Variants in WDR70 observed in about 807,000 individuals in gnomAD.
WDR70 encodes WD repeat-containing protein 70.
In WDR70, 53 loss-of-function variants were observed where a neutral mutation model predicts 88.6. The observed-to-expected ratio is 0.60, with a 90% CI of 0.48 to 0.75. The LOEUF (loss-of-function observed/expected upper bound fraction) is 0.75, where lower values mean the gene tolerates loss of function less well. Among genes scored for constraint, WDR70 ranks in the 30% least tolerant of loss-of-function variants. The pLI is 0.00. For missense variants in WDR70, 610 were observed against 823.2 expected (o/e 0.74, Z 3.17); for synonymous variants, 280 against 270.0 (o/e 1.04, Z -0.36).
At chr5:37,626,021 T>G (rs2112514805) in intron 10 of WDR70, among the ~76,000 whole-genome samples, 1 of 148,866 alleles carries the variant, frequency 6.7e-6, no homozygotes, top group South Asian at 2.1e-4. Flanking sequence ...TTTTTTTTTG[T>G]AGTAAAGTCG....
At chr5:37,391,637 T>C (rs1748823025) in intron 3 of WDR70, among the ~76,000 whole-genome samples, 1 of 152,252 alleles carries the variant, frequency 6.6e-6, no homozygotes, top group African/African-American at 2.4e-5. Context: ...TATGTGGATA[T>C]ACCACATTTT....
At chr5:37,545,567 T>C (rs1581382595) in intron 9 of WDR70, among the ~76,000 whole-genome samples, 1 of 151,884 alleles carries the variant, frequency 6.6e-6, no homozygotes, top group East Asian at 1.9e-4. Flanking sequence ...AGAGTCTCAC[T>C]CTGTCACCCA....
intron 8 of WDR70, among the ~76,000 whole-genome samples, chr5:37,482,414 A>G (rs1164160431): frequency 1.3e-5 from 2 of 152,232 alleles, no homozygotes; most frequent in South Asian, 2.1e-4. Context: ...ATGGAAAAGC[A>G]TGTCTCACAT....
At chr5:37,484,032 G>A (rs529137451) in intron 8 of WDR70, among the ~76,000 whole-genome samples, 21 of 151,646 alleles carry the variant, frequency 1.4e-4, no homozygotes, top group African/African-American at 2.7e-4. Flanking sequence ...CTTCCTAGAC[G>A]GGATGGCGGC....
At chr5:37,451,755 G>A (rs1023805905) in intron 7 of WDR70, among the ~76,000 whole-genome samples, 10 of 152,158 alleles carry the variant, frequency 6.6e-5, no homozygotes, top group African/African-American at 2.4e-4. Flanking sequence ...CCGCACTTTG[G>A]GAGGCCAAGG....
chr5:37,440,635 G>A (rs1394641203), intron 6 of WDR70, among the ~76,000 whole-genome samples: 2 of 152,232 alleles, frequency 1.3e-5, no homozygotes, highest in Non-Finnish European at 2.9e-5. Flanking sequence ...GTGAGCCACT[G>A]CGCCCAGCCT....
rs761115063 is a variant in WDR70 at position 37,726,959 on chromosome 5, C to A, written c.1791C>A (p.Thr597=). The A allele has an allele frequency of 2.5e-6, 4 of 1,611,886 alleles. No homozygotes were observed. The Admixed American group carries it at 6.7e-5, about 27-fold the overall frequency. The change falls in exon 17 of 18, where the codon ACC becomes ACA. Residue 597 remains threonine, a synonymous_variant. Coordinates refer to ENST00000265107, the MANE Select transcript of WDR70 (RefSeq NM_018034.4). ...TGAAGAACATTGCTTTGGACAAGAC[C>A]GATGACAGTAATCCTCGGGAAGCCA... The part of the protein sequence containing the change: ...YIVKNIALDK[T]DDSNPREAIL...
At chr5:37,610,854 A>G (rs1048012921) in intron 10 of WDR70, among the ~76,000 whole-genome samples, 2 of 152,342 alleles carry the variant, frequency 1.3e-5, no homozygotes. Context: ...AATAATGTTC[A>G]TAGTTTACTA....
intron 9 of WDR70, among the ~76,000 whole-genome samples, chr5:37,588,410 G>A (rs1225423676): frequency 6.6e-6 from 1 of 151,952 alleles, no homozygotes; most frequent in East Asian, 1.9e-4. Flanking sequence ...TTCATGATAG[G>A]CTAAATTAAA....
At chr5:37,746,833 G>A (rs139077231) in intron 17 of WDR70, among the ~76,000 whole-genome samples, 41 of 152,138 alleles carry the variant, frequency 2.7e-4, no homozygotes, top group African/African-American at 9.2e-4. Context: ...AAATTCTACC[G>A]GAAGTACAAA....
At chr5:37,693,397 T>C (rs1746870517) in intron 10 of WDR70, among the ~76,000 whole-genome samples, 1 of 152,050 alleles carries the variant, frequency 6.6e-6, no homozygotes, top group African/African-American at 2.4e-5. Context: ...GAGCCCGCAT[T>C]GCCAACACAA....
intron 13 of WDR70, among the ~76,000 whole-genome samples, chr5:37,707,520 A>G (rs968947673): frequency 1.1e-4 from 16 of 152,230 alleles, no homozygotes; most frequent in Non-Finnish European, 4.4e-5. Flanking sequence ...TTTTGAAAAC[A>G]CTGCTATAAC....
chr5:37,392,177 G>GTTTT, intron 4 of WDR70, 57 bp downstream of exon 4: 93 of 1,309,812 alleles, frequency 7.1e-5, no homozygotes, highest in South Asian at 1.6e-4. Flanking sequence ...TGTTTATAGA[G>GTTTT]TTTTTTTTTT....
intron 9 of WDR70, among the ~76,000 whole-genome samples, chr5:37,557,959 T>TTTGAAAACTCTTCAAG: frequency 3.4e-5 from 5 of 146,506 alleles, no homozygotes; most frequent in Non-Finnish European, 4.5e-5. Context: ...AAAAGAGTAT[T>TTTGAAAACTCTTCAAG]ATGTATATTT....
chr5:37,700,772 G>A (rs777238908), intron 11 of WDR70, among the ~76,000 whole-genome samples: 27 of 152,170 alleles, frequency 1.8e-4, no homozygotes, highest in Non-Finnish European at 3.2e-4. Flanking sequence ...GCTTGCAGAT[G>A]CTACATCTAT....
chr5:37,420,128 C>T (rs1200766832), intron 5 of WDR70, among the ~76,000 whole-genome samples: 6 of 151,834 alleles, frequency 4.0e-5, no homozygotes, highest in African/African-American at 1.2e-4. Context: ...TTTGGGAGGC[C>T]GAGGTGGGAG....
chr5:37,418,701 C>G (rs1433469090), intron 5 of WDR70, among the ~76,000 whole-genome samples: 1 of 152,042 alleles, frequency 6.6e-6, no homozygotes, highest in Admixed American at 6.6e-5. Flanking sequence ...ATATCTAGTA[C>G]TTTCTAAAAA....
intron 9 of WDR70, among the ~76,000 whole-genome samples, chr5:37,520,253 A>C (rs945444478): frequency 5.9e-5 from 9 of 152,160 alleles, no homozygotes; most frequent in African/African-American, 2.2e-4. Context: ...GTTGCTGTTC[A>C]TATTCTTAGA....
chr5:37,469,783 C>T (rs1468307016), intron 7 of WDR70, among the ~76,000 whole-genome samples: 16 of 152,260 alleles, frequency 1.1e-4, no homozygotes, highest in Middle Eastern at 3.4e-3. Flanking sequence ...TGTGTGACCC[C>T]ATTTGACCTT....
Sources: gnomAD v4.1 joint callset for allele counts (sites outside exome capture counted in the v4.1 genomes callset) on GRCh38, gnomAD v4.1.1 for gene constraint, MANE v1.5 for transcripts, NCBI Gene and HGNC (gene_info 2026-07-23, HGNC 2026-07-21) for gene names.